Variants in RUBCN observed in about 807,000 individuals in gnomAD.
The protein encoded by RUBCN is run domain Beclin-1-interacting and cysteine-rich domain-containing protein.
A neutral mutation model predicts 113.2 loss-of-function variants in RUBCN; 74 were observed. That is an observed-to-expected ratio of 0.65 (90% CI 0.54 to 0.79). The LOEUF (loss-of-function observed/expected upper bound fraction) is 0.79. Ranked by LOEUF, RUBCN falls within the 30% of genes least tolerant of loss-of-function variation. The probability of loss-of-function intolerance (pLI) is 0.00; values close to 1 mark genes in which losing one functional copy is unlikely to be tolerated. For synonymous variants in RUBCN, 480 were observed against 490.0 expected, an observed-to-expected ratio of 0.98 and a Z score of 0.27; for missense variants, 1,109 against 1,251.7, an observed-to-expected ratio of 0.89 and a Z score of 1.72.
chr3:197,709,226 T>C (rs1332619969), intron 2 of RUBCN, among the ~76,000 whole-genome samples: 8 of 152,222 alleles, frequency 5.3e-5, no homozygotes, highest in Non-Finnish European at 7.3e-5. Context: ...AGCAGTTTTT[T>C]CCTGTTCTTA....
chr3:197,745,357 T>C (rs533540982), intron 1 of RUBCN, among the ~76,000 whole-genome samples: 1 of 151,592 alleles, frequency 6.6e-6, no homozygotes, highest in Non-Finnish European at 1.5e-5. Context: ...GGCTCACACC[T>C]GTAATCCCAG....
chr3:197,707,042 T>C (rs1724379706), intron 2 of RUBCN, among the ~76,000 whole-genome samples: 2 of 151,080 alleles, frequency 1.3e-5, no homozygotes, highest in South Asian at 4.2e-4. Flanking sequence ...CATTTTTAAG[T>C]GAAAAGCGTG....
In RUBCN at chr3:197,736,897, C is replaced by T; in HGVS notation, c.-178G>A. On this transcript the variant is annotated 5_prime_UTR_variant, in exon 1 of 20. Transcript: ENST00000296343. ...CGCCGCCTGGGCTGCGGCTTCTATCCCGGCCACCCCCACTTCCGGCTCCGG... is the reference window on the plus strand; with the variant it reads ...CGCCGCCTGGGCTGCGGCTTCTATCTCGGCCACCCCCACTTCCGGCTCCGG... 3 of 1,364,238 alleles carry T rather than the reference C, an allele frequency of 2.2e-6. No homozygotes were observed. Among genetic ancestry groups the T allele is most frequent in the East Asian group, 3.0e-5 (1 of 32,830 alleles). 84.5% of individuals were successfully genotyped at this position (1,364,238 alleles called of 1,614,324 possible).
chr3:197,727,752 G>A (rs889787183), intron 1 of RUBCN, among the ~76,000 whole-genome samples: 2 of 152,210 alleles, frequency 1.3e-5, no homozygotes, highest in African/African-American at 4.8e-5. Context: ...GGAAGAAACT[G>A]TCAAGGTGTT....
intron 1 of RUBCN, among the ~76,000 whole-genome samples, chr3:197,742,947 C>G (rs921695687): frequency 3.9e-5 from 6 of 152,184 alleles, no homozygotes; most frequent in African/African-American, 1.4e-4. Context: ...AATCTAGAAC[C>G]CCTGGTGGTC....
At chr3:197,729,673 CTAGCCTCCTGAG>C (rs1727200082) in intron 1 of RUBCN, among the ~76,000 whole-genome samples, 1 of 152,174 alleles carries the variant, frequency 6.6e-6, no homozygotes, top group Non-Finnish European at 1.5e-5. Flanking sequence ...ATTCTCCTGC[CTAGCCTCCTGAG>C]TAGCTGGGAT....
At chr3:197,700,261 G>C (rs1157700153) in intron 7 of RUBCN, among the ~76,000 whole-genome samples, 1 of 152,154 alleles carries the variant, frequency 6.6e-6, no homozygotes, top group East Asian at 1.9e-4. Context: ...GACGTCACAG[G>C]AAATGACAGA....
chr3:197,730,187 T>C (rs1003994585), intron 1 of RUBCN, among the ~76,000 whole-genome samples: 3 of 152,144 alleles, frequency 2.0e-5, no homozygotes, highest in South Asian at 2.1e-4. Flanking sequence ...AGAACCCTGA[T>C]TTTCCACTGA....
Position 197,670,900 on chromosome 3 carries a change from A to G in RUBCN, c.*4118T>C, listed in dbSNP as rs1719725204. Among the ~76,000 whole-genome samples the G allele has an allele frequency of 6.6e-6, 1 of 152,206 alleles. No individual in the cohort carries two copies. Among genetic ancestry groups the G allele is most frequent in the African/African-American group, 2.4e-5 (1 of 41,444 alleles). On this transcript the variant is annotated 3_prime_UTR_variant, in exon 20 of 20. Transcript: ENST00000296343. ...CAGTTGCAGACAAAGTAGCTGAGGG[A>G]GAAGACAGGAGATGAGGACACGCTC...
chr3:197,742,562 C>T (rs1728569028), intron 1 of RUBCN, among the ~76,000 whole-genome samples: 1 of 152,212 alleles, frequency 6.6e-6, no homozygotes, highest in African/African-American at 2.4e-5. Context: ...TTTGTCCCTG[C>T]CCCAGCTTCC....
chr3:197,740,299 G>A (rs1284878718), upstream of RUBCN, among the ~76,000 whole-genome samples: 1 of 149,252 alleles, frequency 6.7e-6, no homozygotes, highest in Non-Finnish European at 1.5e-5. Flanking sequence ...TGGATCCACT[G>A]AAAATACAAA....
intron 13 of RUBCN, 70 bp from the exon 14 acceptor site, chr3:197,682,685 G>GT: frequency 6.2e-7 from 1 of 1,602,014 alleles, no homozygotes; most frequent in South Asian, 1.1e-5. Flanking sequence ...GAGATGGGCA[G>GT]TGAGTCAGGG....
intron 5 of RUBCN, 80 bp from the exon 6 acceptor site, chr3:197,701,944 G>A: frequency 1.5e-6 from 2 of 1,331,122 alleles, no homozygotes; most frequent in South Asian, 1.2e-5. Flanking sequence ...CAGTACTGCA[G>A]AAATGCCATA....
At chr3:197,734,479 C>T (rs954443352) in intron 1 of RUBCN, among the ~76,000 whole-genome samples, 1 of 151,818 alleles carries the variant, frequency 6.6e-6, no homozygotes, top group Non-Finnish European at 1.5e-5. Context: ...GCCAGGGATT[C>T]GCTGTACAAC....
intron 1 of RUBCN, among the ~76,000 whole-genome samples, chr3:197,728,703 G>A (rs1027835083): frequency 2.0e-5 from 3 of 152,274 alleles, no homozygotes; most frequent in African/African-American, 4.8e-5. Context: ...GGTTAAAGAG[G>A]AAGAGTCCCA....
At chr3:197,725,791 G>A (rs1474356937) in intron 1 of RUBCN, among the ~76,000 whole-genome samples, 2 of 151,976 alleles carry the variant, frequency 1.3e-5, no homozygotes, top group East Asian at 1.9e-4. Flanking sequence ...TTTAACATAC[G>A]GATGAAAAAT....
Position 197,697,186 on chromosome 3 carries a change from G to T in RUBCN, c.1262-137C>A, listed in dbSNP as rs541562796. ...GCAGGAGAGAGGCGGCACACCAACG[G>T]AACAGCCCAAGGGTACAGAAACACA... On this transcript the variant is annotated intron_variant, in intron 7 of 19. Transcript: ENST00000296343. The T allele has an allele frequency of 1.6e-5, 11 of 671,976 alleles. No homozygotes were observed. In the East Asian group the frequency reaches 3.2e-4, roughly 19 times the overall value. 41.6% of individuals were successfully genotyped at this position (671,976 alleles called of 1,614,324 possible).
chr3:197,727,864 A>C (rs2108988685), intron 1 of RUBCN, among the ~76,000 whole-genome samples: 1 of 152,390 alleles, frequency 6.6e-6, no homozygotes, highest in East Asian at 1.9e-4. Context: ...AATGCTTTAC[A>C]AACAAGGTAA....
At position 197,675,628 on chromosome 3, in the gene RUBCN, G is replaced by A. The variant is rs547011809; in HGVS notation, c.2647-113C>T. ...TACAGGGTTCTGCTGCCCACAGGGA[G>A]GAGGCCTGGGCTGGACTCAGAAGCA... On this transcript the variant is annotated intron_variant, in intron 18 of 19. Transcript: ENST00000296343. The surrounding 1 kb of genome is among the most constrained non-coding windows in gnomAD (Gnocchi z 4.4). 169 of 820,776 alleles carry A rather than the reference G, an allele frequency of 2.1e-4. 4 individuals carry two copies. The highest frequency in any genetic ancestry group is 1.9e-3 in the South Asian group (140 of 73,620). 50.8% of individuals were successfully genotyped at this position (820,776 alleles called of 1,614,324 possible).
Sources: gnomAD v4.1 joint callset for allele counts (sites outside exome capture counted in the v4.1 genomes callset) on GRCh38, gnomAD v4.1.1 for gene constraint, Gnocchi (gnomAD v3.1) non-coding constraint, MANE v1.5 for transcripts, NCBI Gene and HGNC (gene_info 2026-07-23, HGNC 2026-07-21) for gene names.